PPFIA2: variants seen among roughly 807,000 people sequenced by gnomAD.
PPFIA2 encodes the protein liprin-alpha-2.
PPFIA2 carries 46 observed loss-of-function variants against 175.5 expected under a neutral mutation model. The observed-to-expected ratio is 0.26, with a 90% CI of 0.21 to 0.34. The LOEUF is 0.34. PPFIA2 is among the 10% of genes least tolerant of loss of function. The pLI is 1.00. For missense variants in PPFIA2, 1,179 were observed against 1,506.1 expected (o/e 0.78, Z 3.60); for synonymous variants, 568 against 511.4 (o/e 1.11, Z -1.49).
chr12:81,708,622 G>A (rs2077508137), intron 3 of PPFIA2, among the ~76,000 whole-genome samples: 1 of 152,104 alleles, frequency 6.6e-6, no homozygotes, highest in African/African-American at 2.4e-5. Context: ...TATCTACTTT[G>A]TTTAGGGAAT....
intron 15 of PPFIA2, among the ~76,000 whole-genome samples, chr12:81,362,355 A>G (rs2031118091): frequency 6.6e-6 from 1 of 151,418 alleles, no homozygotes; most frequent in Admixed American, 6.6e-5. Context: ...ACACATATAA[A>G]GAGAAGGGCT....
chr12:81,431,670 T>G (rs562156458), intron 7 of PPFIA2, among the ~76,000 whole-genome samples: 45 of 152,230 alleles, frequency 3.0e-4, no homozygotes, highest in Non-Finnish European at 6.3e-4. Context: ...TTGATTCTTT[T>G]AAGATCATGA....
chr12:81,487,121 C>T (rs1426438990), intron 4 of PPFIA2, among the ~76,000 whole-genome samples: 1 of 151,850 alleles, frequency 6.6e-6, no homozygotes. Context: ...AGCTTTGGAG[C>T]ATCTGGAACC....
At chr12:81,311,519 G>T (rs1239107114) in intron 22 of PPFIA2, among the ~76,000 whole-genome samples, 1 of 151,936 alleles carries the variant, frequency 6.6e-6, no homozygotes, top group Admixed American at 6.6e-5. Context: ...GGATCATGAG[G>T]TCAGGAGATC....
At position 81,681,796 on chromosome 12, in the gene PPFIA2, T is replaced by A. The variant is rs139086075; in HGVS notation, c.250-4952A>T. Among the ~76,000 whole-genome samples, 1,065 of 151,966 alleles carry A rather than the reference T, an allele frequency of 7.0e-3. 7 individuals carry two copies. The highest frequency in any genetic ancestry group is 0.013 in the South Asian group (63 of 4,822). On this transcript the variant is annotated intron_variant, in intron 3 of 32. Coordinates refer to ENST00000549396, the MANE Select transcript of PPFIA2 (RefSeq NM_003625.5). ...TTATTTTTATCCCTGAAGAGCAGGA[T>A]CAGCCAATTATGTTAAAGAAAAATA...
chr12:81,610,243 T>G (rs889622105), intron 4 of PPFIA2, among the ~76,000 whole-genome samples: 6 of 152,206 alleles, frequency 3.9e-5, no homozygotes. Flanking sequence ...GATCAACTTA[T>G]CTAGCTGGGG....
In PPFIA2 at chr12:81,726,102, C is replaced by T. The variant is rs11114990; in HGVS notation, c.249+27871G>A. On this transcript the variant is annotated intron_variant, in intron 3 of 32. Coordinates refer to ENST00000549396, the MANE Select transcript of PPFIA2 (RefSeq NM_003625.5). ...ACTTCCACCAACTCCCCAATCACATCTTCCCACCTATTACCATCTCTACTG... is the reference window on the plus strand; with the variant it reads ...ACTTCCACCAACTCCCCAATCACATTTTCCCACCTATTACCATCTCTACTG... 2.8e-3 allele frequency among the ~76,000 whole-genome samples: 422 copies of T among 151,254 alleles called. 1 individual carries two copies. Among genetic ancestry groups the T allele is most frequent in the African/African-American group, 9.6e-3 (398 of 41,416 alleles).
At chr12:81,514,777 T>A (rs2062201396) in intron 4 of PPFIA2, among the ~76,000 whole-genome samples, 2 of 152,068 alleles carry the variant, frequency 1.3e-5, no homozygotes, top group South Asian at 4.1e-4. Flanking sequence ...TTATCCTGCA[T>A]GGGCTACCTT....
At chr12:81,649,478 A>G (rs1194261605) in intron 4 of PPFIA2, among the ~76,000 whole-genome samples, 1 of 152,220 alleles carries the variant, frequency 6.6e-6, no homozygotes, top group African/African-American at 2.4e-5. Context: ...ATGCCAAATG[A>G]CATTTCATTT....
rs141901519 is a variant in PPFIA2, at chr12:81,754,073, C to T, written c.149G>A (p.Arg50Gln). 4.6e-5 allele frequency: 74 copies of T among 1,613,724 alleles called. No homozygotes were observed. The East Asian group carries it at 1.4e-3, about 30-fold the overall frequency. Reference protein sequence around the residue: ...DERDRLLDTLRETQESLSLAQ... With the variant: ...DERDRLLDTLQETQESLSLAQ... Reference sequence around the variant, plus strand: ...AAGTGAGAGGCTTTCCTGGGTCTCCCGAAGGGTGTCTAGAAGACGATCCCT... The same window carrying T: ...AAGTGAGAGGCTTTCCTGGGTCTCCTGAAGGGTGTCTAGAAGACGATCCCT... The change falls in exon 3 of 33, where the codon CGG becomes CAG. Residue 50 changes from arginine (R) to glutamine (Q), a missense_variant. Arg to Gln is a conservative substitution (Grantham distance 43). Around this residue, in one of 10 missense-constraint regions of PPFIA2, gnomAD observed 128 missense variants for 141.4 expected, o/e 0.91. Coordinates refer to ENST00000549396, the MANE Select transcript of PPFIA2 (RefSeq NM_003625.5).
At chr12:81,296,123 T>C (rs2046382357) in intron 23 of PPFIA2, among the ~76,000 whole-genome samples, 1 of 151,972 alleles carries the variant, frequency 6.6e-6, no homozygotes, top group African/African-American at 2.4e-5. Context: ...CTGGGCAACA[T>C]GGTGAAACTC....
rs2065396419 is a variant in PPFIA2 at position 81,642,770 on chromosome 12, A to ATATATTATATACATACG, written c.303+34020_303+34021insCGTATGTATATAATATA. On this transcript the variant is annotated intron_variant, in intron 4 of 32. Coordinates refer to ENST00000549396, the MANE Select transcript of PPFIA2 (RefSeq NM_003625.5). ...GTATTATATACATACATGTATATGT[A>ATATATTATATACATACG]TGTATGTATTATATACATACATGTA... Among the ~76,000 whole-genome samples the ATATATTATATACATACG allele has an allele frequency of 9.7e-5, 3 of 30,916 alleles. 1 individual carries two copies. Among genetic ancestry groups the ATATATTATATACATACG allele is most frequent in the African/African-American group, 4.6e-4 (2 of 4,366 alleles). 20.3% of individuals were successfully genotyped at this position (30,916 alleles called of 152,430 possible). A position where few individuals can be genotyped will look rare whatever the true frequency, so the allele number is the denominator to read the frequency against.
intron 24 of PPFIA2, among the ~76,000 whole-genome samples, chr12:81,284,814 ATCTG>A (rs1278185625): frequency 6.6e-6 from 1 of 152,204 alleles, no homozygotes; most frequent in Non-Finnish European, 1.5e-5. Context: ...ATCGTAACTT[ATCTG>A]GAAACCAGCA....
chr12:81,714,533 G>A lies in PPFIA2; in HGVS notation c.250-37689C>T, dbSNP rs779994304. On this transcript the variant is annotated intron_variant, in intron 3 of 32. Coordinates refer to ENST00000549396, the MANE Select transcript of PPFIA2 (RefSeq NM_003625.5). ...TCCTTGAGGAGGAATAAAACATCTA[G>A]GGTTGCCACGTTGTGAATTATATTG... 7.8e-4 allele frequency among the ~76,000 whole-genome samples: 117 copies of A among 150,944 alleles called. 1 individual carries two copies. Among genetic ancestry groups the A allele is most frequent in the Middle Eastern group, 3.2e-3 (1 of 316 alleles).
At chr12:81,619,668 G>C (rs1311520958) in intron 4 of PPFIA2, among the ~76,000 whole-genome samples, 1 of 151,844 alleles carries the variant, frequency 6.6e-6, no homozygotes, top group Non-Finnish European at 1.5e-5. Context: ...CAAACAAAAT[G>C]CTAAATACAT....
At chr12:81,291,615 G>A (rs2045026256) in intron 24 of PPFIA2, among the ~76,000 whole-genome samples, 1 of 151,970 alleles carries the variant, frequency 6.6e-6, no homozygotes, top group African/African-American at 2.4e-5. Context: ...ATGGAAACCT[G>A]ATGCTATCTT....
chr12:81,449,223 A>G (rs1315919001), intron 5 of PPFIA2, among the ~76,000 whole-genome samples: 2 of 152,192 alleles, frequency 1.3e-5, no homozygotes, highest in African/African-American at 4.8e-5. Flanking sequence ...AGACACCACC[A>G]TGGCTGAACG....
chr12:81,581,682 T>C (rs1027110848), intron 4 of PPFIA2, among the ~76,000 whole-genome samples: 3 of 150,010 alleles, frequency 2.0e-5, no homozygotes, highest in African/African-American at 7.5e-5. Flanking sequence ...GTAACTAGAA[T>C]AGAACTTTGT....
chr12:81,302,902 T>C (rs2048216705), intron 22 of PPFIA2, among the ~76,000 whole-genome samples: 1 of 152,160 alleles, frequency 6.6e-6, no homozygotes, highest in Admixed American at 6.6e-5. Context: ...TGGAAATAAC[T>C]GAATTTAATA....
Sources: gnomAD v4.1 joint callset for allele counts (sites outside exome capture counted in the v4.1 genomes callset) on GRCh38, gnomAD v4.1.1 for gene constraint, gnomAD v4.1.1 regional missense constraint, MANE v1.5 for transcripts, NCBI Gene and HGNC (gene_info 2026-07-23, HGNC 2026-07-21) for gene names.